PLSCR2: variants seen among roughly 807,000 people sequenced by gnomAD.
PLSCR2 encodes the protein PL scramblase 2.
Under a neutral mutation model 25.3 loss-of-function variants are expected in PLSCR2, and 18 were observed. The ratio of observed to expected loss-of-function variants is 0.71; its 90% CI spans 0.49 to 1.06. The LOEUF is 1.06. PLSCR2 is among the 50% of genes least tolerant of loss of function. The pLI, the probability that PLSCR2 is intolerant of heterozygous loss-of-function variation, is 0.00. For missense variants in PLSCR2, 243 were observed against 269.5 expected (o/e 0.90, Z 0.69); for synonymous variants, 88 against 87.3 (o/e 1.01, Z -0.04).
intron 8 of PLSCR2, among the ~76,000 whole-genome samples, chr3:146,433,888 G>C (rs530689074): frequency 5.9e-5 from 9 of 152,178 alleles, no homozygotes; most frequent in Non-Finnish European, 1.3e-4. Flanking sequence ...TCTGCTGGTG[G>C]TAACACTTAT....
chr3:146,487,610 A>G (rs1381552042), intron 1 of PLSCR2, among the ~76,000 whole-genome samples: 1 of 152,120 alleles, frequency 6.6e-6, no homozygotes, highest in African/African-American at 2.4e-5. Flanking sequence ...AATACAACTA[A>G]CAAGGGATGT....
At chr3:146,435,791 T>C (rs1299750854) in intron 8 of PLSCR2, among the ~76,000 whole-genome samples, 2 of 152,248 alleles carry the variant, frequency 1.3e-5, no homozygotes, top group Non-Finnish European at 2.9e-5. Context: ...ATCCCATTTG[T>C]CAATTTTGGC....
At chr3:146,483,479 GTATATATATATATATA>G (rs56655616) in intron 1 of PLSCR2, among the ~76,000 whole-genome samples, 7 of 54,822 alleles carry the variant, frequency 1.3e-4, no homozygotes, top group African/African-American at 2.5e-4. Context: ...ATATACATGT[GTATATATATATATATA>G]TATATATATA....
chr3:146,487,959 C>T (rs373095654), intron 1 of PLSCR2, among the ~76,000 whole-genome samples: 2 of 152,170 alleles, frequency 1.3e-5, no homozygotes, highest in African/African-American at 2.4e-5. Context: ...CAGCAAGGTA[C>T]TGGTACCAAA....
chr3:146,461,400 C>T (rs956221086), upstream of PLSCR2, among the ~76,000 whole-genome samples: 4 of 152,150 alleles, frequency 2.6e-5, no homozygotes, highest in African/African-American at 4.8e-5. Context: ...ATAGATGACT[C>T]GTGATTGGCT....
At chr3:146,493,137 A>G (rs948670534) in intron 1 of PLSCR2, among the ~76,000 whole-genome samples, 2 of 152,132 alleles carry the variant, frequency 1.3e-5, no homozygotes, top group South Asian at 4.1e-4. Flanking sequence ...CAGACCAAAA[A>G]CAAGATCCAA....
At chr3:146,449,208 T>C in exon 6 of PLSCR2, 1 of 1,610,370 alleles carries the variant, frequency 6.2e-7, no homozygotes, top group South Asian at 1.1e-5. Flanking sequence ...AGACTTACAA[T>C]GAGGAAACAG....
At chr3:146,415,427 TACTC>T (rs1372917316) in intron 2 of PLSCR2, among the ~76,000 whole-genome samples, 2 of 152,072 alleles carry the variant, frequency 1.3e-5, no homozygotes, top group Admixed American at 6.5e-5. Context: ...ATTGTTAACA[TACTC>T]AATAATTTGG....
At chr3:146,467,346 T>C (rs2041917373) in intron 1 of PLSCR2, among the ~76,000 whole-genome samples, 1 of 152,202 alleles carries the variant, frequency 6.6e-6, no homozygotes, top group South Asian at 2.1e-4. Flanking sequence ...TTGATTGCTT[T>C]ATCACTGCTC....
chr3:146,455,528 T>C (rs2041166730), intron 3 of PLSCR2, 69 bp from the exon 4 acceptor site: 3 of 892,862 alleles, frequency 3.4e-6, no homozygotes, highest in East Asian at 2.4e-5. Flanking sequence ...ATATTATATC[T>C]AGCTAGTTTT....
At chr3:146,455,681 C>T (rs1314969304) in intron 3 of PLSCR2, among the ~76,000 whole-genome samples, 1 of 152,050 alleles carries the variant, frequency 6.6e-6, no homozygotes, top group Non-Finnish European at 1.5e-5. Flanking sequence ...ATATGGAAAA[C>T]AAAGCAGGTC....
chr3:146,398,070 G>A (rs1444014534), intron 2 of PLSCR2, among the ~76,000 whole-genome samples: 1 of 151,920 alleles, frequency 6.6e-6, no homozygotes, highest in Non-Finnish European at 1.5e-5. Context: ...AGTTAGGGAA[G>A]TATGGCTTTT....
chr3:146,472,390 G>T (rs1368323589), intron 1 of PLSCR2, among the ~76,000 whole-genome samples: 1 of 152,170 alleles, frequency 6.6e-6, no homozygotes, highest in Non-Finnish European at 1.5e-5. Context: ...TTTTCATGTA[G>T]TTCATTAGGG....
chr3:146,459,780 T>C (rs534223045), intron 2 of PLSCR2, 68 bp downstream of exon 2: 2 of 1,107,748 alleles, frequency 1.8e-6, no homozygotes, highest in East Asian at 2.4e-5. Context: ...TAACCATAAT[T>C]ACTATGGTTC....
rs576410931 is a variant in PLSCR2 at position 146,485,737 on chromosome 3, A to C, written c.-293+10158T>G. Among the ~76,000 whole-genome samples, 14 of 152,216 alleles carry C rather than the reference A, an allele frequency of 9.2e-5. No homozygotes were observed. The East Asian group carries it at 1.2e-3, about 13-fold the overall frequency. On this transcript the variant is annotated intron_variant, in intron 1 of 8. Coordinates refer to the PLSCR2 transcript ENST00000336685. Reference sequence around the variant, plus strand: ...GTATTCATCTGTTTTCATGCTGCTGATAAAGACATACCCGATACTGGGCAA... The same window carrying C: ...GTATTCATCTGTTTTCATGCTGCTGCTAAAGACATACCCGATACTGGGCAA...
chr3:146,399,380 G>T (rs1160333458), intron 2 of PLSCR2, among the ~76,000 whole-genome samples: 1 of 151,732 alleles, frequency 6.6e-6, no homozygotes, highest in Non-Finnish European at 1.5e-5. Context: ...AAACATAGAT[G>T]CAATCCTCAA....
chr3:146,431,208 A>G (rs762302191), downstream of PLSCR2, among the ~76,000 whole-genome samples: 13 of 151,930 alleles, frequency 8.6e-5, no homozygotes, highest in Non-Finnish European at 1.6e-4. Flanking sequence ...CAATACTCTA[A>G]GCAGTTTCCC....
intron 1 of PLSCR2, among the ~76,000 whole-genome samples, chr3:146,482,846 C>T (rs1056418065): frequency 1.3e-5 from 2 of 152,088 alleles, no homozygotes; most frequent in Non-Finnish European, 2.9e-5. Context: ...CAGTGATAGA[C>T]TGGATTAAGA....
chr3:146,410,184 G>C (rs1009646624), intron 2 of PLSCR2, among the ~76,000 whole-genome samples: 1 of 152,094 alleles, frequency 6.6e-6, no homozygotes, highest in Non-Finnish European at 1.5e-5. Flanking sequence ...TGTGGGGTAG[G>C]GGGCAGGGGC....
Sources: gnomAD v4.1 joint callset for allele counts (sites outside exome capture counted in the v4.1 genomes callset) on GRCh38, gnomAD v4.1.1 for gene constraint, MANE v1.5 for transcripts, NCBI Gene and HGNC (gene_info 2026-07-23, HGNC 2026-07-21) for gene names.